SPOCK1: variants seen among roughly 807,000 people sequenced by gnomAD.
SPOCK1 encodes the protein testican-1.
SPOCK1 carries 23 observed loss-of-function variants against 55.3 expected under a neutral mutation model. The observed-to-expected ratio is 0.42, with a 90% CI of 0.30 to 0.59. The LOEUF is 0.59. SPOCK1 is among the 20% of genes least tolerant of loss of function. SPOCK1 has a pLI of 0.22. For missense variants in SPOCK1, 499 were observed against 552.5 expected, an observed-to-expected ratio of 0.90 and a Z score of 0.97; for synonymous variants, 226 against 221.0, an observed-to-expected ratio of 1.02 and a Z score of -0.20.
At chr5:137,055,183 G>A (rs1752277298) in intron 6 of SPOCK1, among the ~76,000 whole-genome samples, 1 of 152,204 alleles carries the variant, frequency 6.6e-6, no homozygotes, top group East Asian at 1.9e-4. Flanking sequence ...AGACCCATGA[G>A]CAACACACTG....
At chr5:137,406,888 A>G (rs1413171425) in intron 2 of SPOCK1, among the ~76,000 whole-genome samples, 1 of 152,244 alleles carries the variant, frequency 6.6e-6, no homozygotes, top group African/African-American at 2.4e-5. Flanking sequence ...AAGTGCTTCA[A>G]TAGACTAATA....
intron 2 of SPOCK1, among the ~76,000 whole-genome samples, chr5:137,306,579 T>C (rs1757703981): frequency 1.3e-5 from 2 of 152,230 alleles, no homozygotes; most frequent in South Asian, 4.1e-4. Flanking sequence ...AATCTCTCAG[T>C]AGAGAAAGAT....
chr5:137,443,064 CA>C (rs1753051144), intron 2 of SPOCK1, among the ~76,000 whole-genome samples: 1 of 152,104 alleles, frequency 6.6e-6, no homozygotes, highest in Non-Finnish European at 1.5e-5. Context: ...CTGCTACCAC[CA>C]CCATTCCCAT....
intron 3 of SPOCK1, among the ~76,000 whole-genome samples, chr5:137,172,848 C>T (rs1487743787): frequency 6.6e-6 from 1 of 152,140 alleles, no homozygotes. Flanking sequence ...AACCCAGGGT[C>T]CCTGCCTCCT....
chr5:137,258,399 C>T (rs966393712), intron 3 of SPOCK1, among the ~76,000 whole-genome samples: 1 of 152,324 alleles, frequency 6.6e-6, no homozygotes, highest in East Asian at 1.9e-4. Flanking sequence ...CAAAACAAAA[C>T]CCCCATCTCA....
At chr5:137,055,144 A>T (rs1270096874) in intron 6 of SPOCK1, among the ~76,000 whole-genome samples, 1 of 152,218 alleles carries the variant, frequency 6.6e-6, no homozygotes, top group Non-Finnish European at 1.5e-5. Flanking sequence ...CACAATTATT[A>T]CCCTGAGACA....
chr5:137,295,087 T>G (rs946249710), intron 2 of SPOCK1, among the ~76,000 whole-genome samples: 2 of 152,218 alleles, frequency 1.3e-5, no homozygotes, highest in African/African-American at 4.8e-5. Flanking sequence ...GGTATTTCAT[T>G]CTGGTCACTG....
chr5:137,087,904 G>A (rs1165052222), intron 5 of SPOCK1, among the ~76,000 whole-genome samples: 1 of 152,126 alleles, frequency 6.6e-6, no homozygotes, highest in Non-Finnish European at 1.5e-5. Context: ...TCCCACCCAG[G>A]ATTTCTGCAA....
intron 3 of SPOCK1, among the ~76,000 whole-genome samples, chr5:137,179,101 G>A (rs539794033): frequency 3.3e-5 from 5 of 152,160 alleles, no homozygotes; most frequent in South Asian, 4.1e-4. Context: ...TTTTTCCTCC[G>A]ACATCAAAAA....
chr5:136,998,312 T>C (rs970707106), intron 6 of SPOCK1, among the ~76,000 whole-genome samples: 12 of 152,232 alleles, frequency 7.9e-5, no homozygotes, highest in Admixed American at 2.0e-4. Context: ...GATTGGGAGA[T>C]TGGTCTGACT....
intron 2 of SPOCK1, among the ~76,000 whole-genome samples, chr5:137,404,410 C>CTTT (rs67369576): frequency 7.7e-5 from 9 of 117,406 alleles, no homozygotes; most frequent in Non-Finnish European, 1.1e-4. Context: ...TTCAAAATGA[C>CTTT]TTTTTTTTTT....
intron 3 of SPOCK1, among the ~76,000 whole-genome samples, chr5:137,249,861 T>C (rs537452438): frequency 6.6e-6 from 1 of 152,230 alleles, no homozygotes. Flanking sequence ...TACAGATTTT[T>C]TTTTTAAGAA....
At chr5:137,378,185 C>T (rs940211515) in intron 2 of SPOCK1, among the ~76,000 whole-genome samples, 2 of 152,136 alleles carry the variant, frequency 1.3e-5, no homozygotes, top group African/African-American at 4.8e-5. Context: ...CTCAGGTGAT[C>T]CGCCTGCCTT....
intron 2 of SPOCK1, among the ~76,000 whole-genome samples, chr5:137,395,173 G>C (rs1318534427): frequency 1.3e-5 from 2 of 152,210 alleles, no homozygotes; most frequent in East Asian, 3.9e-4. Context: ...AGGATGGTCA[G>C]CTTTGTAGCT....
chr5:137,239,043 G>A (rs1424592650), intron 3 of SPOCK1, among the ~76,000 whole-genome samples: 3 of 152,202 alleles, frequency 2.0e-5, no homozygotes, highest in Admixed American at 6.5e-5. Context: ...AATGACTCCT[G>A]AAGGATGGGG....
At chr5:136,993,656 T>C (rs1197511105) in intron 6 of SPOCK1, among the ~76,000 whole-genome samples, 1 of 152,222 alleles carries the variant, frequency 6.6e-6, no homozygotes, top group African/African-American at 2.4e-5. Context: ...GCTAAGGAGT[T>C]AAGCAGAAAT....
intron 2 of SPOCK1, among the ~76,000 whole-genome samples, chr5:137,296,913 G>A (rs1258130522): frequency 6.6e-6 from 1 of 152,178 alleles, no homozygotes; most frequent in Non-Finnish European, 1.5e-5. Context: ...GATAGGCACA[G>A]CTAATCCCAA....
chr5:137,142,020 A>G (rs1242005085), intron 3 of SPOCK1, among the ~76,000 whole-genome samples: 1 of 152,226 alleles, frequency 6.6e-6, no homozygotes, highest in African/African-American at 2.4e-5. Flanking sequence ...AATTCTCTGC[A>G]AAACAAAAGC....
intron 6 of SPOCK1, among the ~76,000 whole-genome samples, chr5:136,994,953 T>A (rs1751014609): frequency 6.6e-6 from 1 of 151,966 alleles, no homozygotes; most frequent in African/African-American, 2.4e-5. Context: ...TGCGGTGAGC[T>A]GAGATTGTGC....
Sources: gnomAD v4.1 joint callset for allele counts (sites outside exome capture counted in the v4.1 genomes callset) on GRCh38, gnomAD v4.1.1 for gene constraint, MANE v1.5 for transcripts, NCBI Gene and HGNC (gene_info 2026-07-23, HGNC 2026-07-21) for gene names.